The following LRP1B variants were observed in gnomAD, a reference collection of about 807,000 sequenced individuals.
LRP1B encodes the protein LDL receptor related protein 1B, also known as low-density lipoprotein receptor-related protein 1B.
LRP1B carries 217 observed loss-of-function variants against 556.6 expected under a neutral mutation model. The observed-to-expected ratio is 0.39, with a 90% CI of 0.35 to 0.44. The LOEUF (loss-of-function observed/expected upper bound fraction) is 0.44, where lower values mean the gene tolerates loss of function less well. LRP1B is among the 20% of genes least tolerant of loss of function. The pLI, the probability that LRP1B is intolerant of heterozygous loss-of-function variation, is 1.00. For missense variants in LRP1B, 5,053 were observed against 5,620.8 expected (o/e 0.90, Z 3.23); for synonymous variants, 2,047 against 1,865.8 (o/e 1.10, Z -2.50).
At chr2:140,704,037 G>A (rs1336055613) in intron 37 of LRP1B, among the ~76,000 whole-genome samples, 2 of 152,094 alleles carry the variant, frequency 1.3e-5, no homozygotes, top group Admixed American at 1.3e-4. Flanking sequence ...GGGATTATTT[G>A]AATGGTAGCT....
intron 10 of LRP1B, among the ~76,000 whole-genome samples, chr2:141,051,652 C>A (rs1362694302): frequency 6.6e-6 from 1 of 152,030 alleles, no homozygotes; most frequent in Non-Finnish European, 1.5e-5. Flanking sequence ...TCTCCTCCAA[C>A]TGAGAAAGAG....
At chr2:140,516,724 T>A (rs1278690684) in intron 50 of LRP1B, among the ~76,000 whole-genome samples, 165 bp downstream of exon 50, 1 of 152,134 alleles carries the variant, frequency 6.6e-6, no homozygotes, top group East Asian at 1.9e-4. Context: ...TTATAAGCTC[T>A]TCTGTTTTAA....
Position 141,197,650 on chromosome 2 carries a change from A to G in LRP1B, c.851-9067T>C, listed in dbSNP as rs925214676. 3.4e-4 allele frequency among the ~76,000 whole-genome samples: 51 copies of G among 152,222 alleles called. 1 individual carries two copies. Among genetic ancestry groups the G allele is most frequent in the African/African-American group, 9.6e-4 (40 of 41,550 alleles). On this transcript the variant is annotated intron_variant, in intron 6 of 90. Transcript: ENST00000389484. ...TGAAAAAGATCATTCTGGTTGCTGT[A>G]TAGATAAAGGGGAAAAGTCTGAAAA... is the stretch of plus-strand genomic sequence containing the variant.
chr2:140,803,309 C>T (rs7592916), intron 32 of LRP1B, among the ~76,000 whole-genome samples: 63,971 of 132,786 alleles, frequency 0.48, 16,630 homozygotes, highest in East Asian at 0.69. Flanking sequence ...GAGTCTCCCT[C>T]TGTCTCCCAG....
chr2:141,646,853 C>T (rs1470371167), intron 2 of LRP1B, among the ~76,000 whole-genome samples: 1 of 152,152 alleles, frequency 6.6e-6, no homozygotes, highest in Non-Finnish European at 1.5e-5. Flanking sequence ...ATTAGGTATA[C>T]ACTAGTGAAT....
At chr2:140,831,790 A>G (rs182672709) in intron 31 of LRP1B, among the ~76,000 whole-genome samples, 2 of 152,306 alleles carry the variant, frequency 1.3e-5, no homozygotes, top group African/African-American at 4.8e-5. Flanking sequence ...GATATCAATA[A>G]CCAAAATATA....
intron 41 of LRP1B, among the ~76,000 whole-genome samples, chr2:140,613,352 A>AATAATTATCTAAATATAAATATAT (rs1683139689): frequency 1.1e-5 from 1 of 88,854 alleles, no homozygotes; most frequent in South Asian, 3.1e-4. Context: ...TATAAATATA[A>AATAATTATCTAAATATAAATATAT]ATAATTATAT....
At chr2:141,101,780 A>G (rs769337763) in intron 7 of LRP1B, among the ~76,000 whole-genome samples, 2 of 152,192 alleles carry the variant, frequency 1.3e-5, no homozygotes, top group African/African-American at 2.4e-5. Flanking sequence ...GCATTAATAA[A>G]TGCTGTTCTG....
chr2:141,103,168 CTAAA>C (rs959176837), intron 7 of LRP1B, among the ~76,000 whole-genome samples: 1 of 151,914 alleles, frequency 6.6e-6, no homozygotes, highest in Admixed American at 6.6e-5. Flanking sequence ...AAAGGTAACT[CTAAA>C]TATCTTTTTA....
chr2:140,283,092 G>T (rs1682982713), intron 84 of LRP1B, among the ~76,000 whole-genome samples: 1 of 151,736 alleles, frequency 6.6e-6, no homozygotes, highest in African/African-American at 2.4e-5. Context: ...ATACATAGCA[G>T]ATGAGTGTCA....
At chr2:140,572,663 G>A (rs914931024) in intron 43 of LRP1B, among the ~76,000 whole-genome samples, 1 of 151,688 alleles carries the variant, frequency 6.6e-6, no homozygotes, top group Non-Finnish European at 1.5e-5. Context: ...ATGTCAAAAA[G>A]ATATCTGCAT....
intron 35 of LRP1B, among the ~76,000 whole-genome samples, chr2:140,741,818 T>C (rs575453701): frequency 6.6e-6 from 1 of 152,162 alleles, no homozygotes; most frequent in Non-Finnish European, 1.5e-5. Flanking sequence ...TATCTATATG[T>C]GCTCAATGCT....
chr2:142,074,682 C>G (rs1003152152), intron 1 of LRP1B, among the ~76,000 whole-genome samples: 1 of 152,010 alleles, frequency 6.6e-6, no homozygotes, highest in African/African-American at 2.4e-5. Flanking sequence ...TCATCTCCTA[C>G]TCACCCCAGC....
At chr2:140,470,377 C>A (rs1221720308) in intron 60 of LRP1B, among the ~76,000 whole-genome samples, 1 of 152,014 alleles carries the variant, frequency 6.6e-6, no homozygotes, top group Admixed American at 6.6e-5. Flanking sequence ...GGCGTGGTGG[C>A]TCACGCCTGT....
intron 1 of LRP1B, among the ~76,000 whole-genome samples, chr2:142,063,879 A>G (rs754735406): frequency 2.0e-4 from 30 of 151,620 alleles, no homozygotes; most frequent in Non-Finnish European, 3.1e-4. Context: ...TCTCCACCCT[A>G]TAAGTATTTC....
rs1261597775 is a variant in LRP1B at position 140,716,802 on chromosome 2, A to G, written c.5773T>C (p.Tyr1925His). 6.3e-7 allele frequency: 1 copy of G among 1,599,822 alleles called. No homozygotes were observed. ...TTATTGAAGCCCATGTCTGTCCAGT[A>G]GATGGTATCATTTTCTATGGATAAG... The part of the protein sequence containing the change: ...IDFHAENDTI[Y>H]WTDMGFNKIS... The change falls in exon 36 of 91, where the codon TAC becomes CAC. Residue 1925 changes from tyrosine (Y) to histidine (H), a missense_variant. Coordinates refer to ENST00000389484, the MANE Select transcript of LRP1B (RefSeq NM_018557.3).
chr2:140,358,042 C>A lies in LRP1B; in HGVS notation c.11332G>T (p.Asp3778Tyr), dbSNP rs749015460. The part of the protein sequence containing the change: ...ACSNKKCIPM[D>Y]LQCDRLDDCG... Reference sequence around the variant, plus strand: ...TCATCAAGTCGATCACACTGGAGATCCATAGGGATGCATTTTTTATTACTA... The same window carrying A: ...TCATCAAGTCGATCACACTGGAGATACATAGGGATGCATTTTTTATTACTA... The change falls in exon 74 of 91, where the codon GAT (aspartate) becomes TAT (tyrosine). Residue 3778 changes from aspartate to tyrosine, a missense_variant. This residue lies in a region of LRP1B where 599 missense variants were observed against 648.4 expected (regional missense o/e 0.92). Coordinates refer to ENST00000389484, the MANE Select transcript of LRP1B (RefSeq NM_018557.3). 6.8e-6 allele frequency: 11 copies of A among 1,611,382 alleles called. No homozygotes were observed. The highest frequency in any genetic ancestry group is 5.0e-5 in the Admixed American group (3 of 59,786).
In LRP1B at chr2:140,564,781, G is replaced by C. The variant is rs558026893; in HGVS notation, c.7195-22810C>G. ...CAGTTTAATTAAAAATCAGAAGAAA[G>C]CAAGGCACCAAATAGACTCTGAGAA... On this transcript the variant is annotated intron_variant, in intron 43 of 90. Transcript: ENST00000389484. 3.2e-3 allele frequency among the ~76,000 whole-genome samples: 488 copies of C among 152,146 alleles called. 3 individuals carry two copies. The highest frequency in any genetic ancestry group is 0.017 in the Middle Eastern group (5 of 294).
intron 63 of LRP1B, 96 bp downstream of exon 63, chr2:140,450,472 G>A: frequency 1.1e-6 from 1 of 917,686 alleles, no homozygotes. Context: ...TTGGAAAAGT[G>A]TCAGAAGGCA....
Sources: allele counts gnomAD v4.1 joint callset (sites outside exome capture counted in the v4.1 genomes callset), GRCh38; gene constraint gnomAD v4.1.1; regional missense constraint gnomAD v4.1.1; transcripts MANE v1.5; gene names NCBI Gene and HGNC (gene_info 2026-07-23, HGNC 2026-07-21).